Variants in NDUFA13 observed in about 807,000 individuals in gnomAD.
NDUFA13 encodes the protein NADH dehydrogenase [ubiquinone] 1 alpha subcomplex subunit 13.
Under a neutral mutation model 17.0 loss-of-function variants are expected in NDUFA13, and 16 were observed. That is an observed-to-expected ratio of 0.94 (90% CI 0.64 to 1.43). NDUFA13 has a LOEUF of 1.43. Among genes scored for constraint, NDUFA13 ranks in the 40% most tolerant of loss-of-function variants. NDUFA13 has a pLI of 0.00. For missense variants in NDUFA13, 228 were observed against 206.7 expected, an observed-to-expected ratio of 1.10 and a Z score of -0.63; for synonymous variants, 87 against 78.4, an observed-to-expected ratio of 1.11 and a Z score of -0.58.
At chr19:19,524,034 C>T (rs1051972466) in intron 1 of NDUFA13, among the ~76,000 whole-genome samples, 4 of 152,200 alleles carry the variant, frequency 2.6e-5, no homozygotes, top group Admixed American at 1.3e-4. Context: ...TCCCAAAATG[C>T]TGGGATTACA....
intron 1 of NDUFA13, 197 bp from the exon 2 acceptor site, chr19:19,525,985 T>C: frequency 3.5e-6 from 5 of 1,448,620 alleles, no homozygotes; most frequent in Non-Finnish European, 4.5e-6. Context: ...ATCTAGACCC[T>C]CAGGCCTCCT....
Position 19,516,258 on chromosome 19 carries a change from A to G in NDUFA13, c.20A>G (p.Lys7Arg). Residue 7 changes from lysine to arginine, a missense_variant, in exon 1 of 5, where the codon AAG becomes AGG. By Grantham distance (26) the Lys-to-Arg change is conservative. Transcript: ENST00000507754. MAASKV[K>R]QDMPPPGGYG... ...GCGAGTATGGCGGCGTCAAAGGTGA[A>G]GCAGGACATGCCTCCGCCGGGGGGC... 1.9e-6 allele frequency: 3 copies of G among 1,614,034 alleles called. No homozygotes were observed. The highest frequency in any genetic ancestry group is 1.3e-5 in the African/African-American group (1 of 75,058).
At chr19:19,524,772 C>T (rs1160676379) in intron 1 of NDUFA13, among the ~76,000 whole-genome samples, 1 of 151,978 alleles carries the variant, frequency 6.6e-6, no homozygotes, top group Non-Finnish European at 1.5e-5. Flanking sequence ...TGCCACTGCA[C>T]CCCAGCCAGG....
intron 3 of NDUFA13, 56 bp from the exon 4 acceptor site, chr19:19,527,632 TAGGGGCCCTAGGC>T (rs2061108584): frequency 8.0e-7 from 1 of 1,246,042 alleles, no homozygotes; most frequent in African/African-American, 1.5e-5. Flanking sequence ...GGGGTGCTAC[TAGGGGCCCTAGGC>T]AGGGGCCCCT....
At chr19:19,525,179 G>A (rs1253814873) in intron 1 of NDUFA13, among the ~76,000 whole-genome samples, 1 of 152,236 alleles carries the variant, frequency 6.6e-6, no homozygotes, top group Non-Finnish European at 1.5e-5. Flanking sequence ...CCCGGACCCA[G>A]CACACCCTCA....
At chr19:19,518,548 G>A (rs1345669075) in intron 1 of NDUFA13, among the ~76,000 whole-genome samples, 3 of 148,096 alleles carry the variant, frequency 2.0e-5, no homozygotes, top group East Asian at 4.0e-4. Context: ...TTTGTTTTTT[G>A]GTTGTTGTTT....
chr19:19,519,210 T>C (rs551195665), intron 1 of NDUFA13, among the ~76,000 whole-genome samples: 1 of 152,140 alleles, frequency 6.6e-6, no homozygotes, highest in South Asian at 2.1e-4. Flanking sequence ...TCTTCTCCGG[T>C]GTAACCTGGG....
At chr19:19,519,413 C>T (rs1600344391) in intron 1 of NDUFA13, among the ~76,000 whole-genome samples, 1 of 152,178 alleles carries the variant, frequency 6.6e-6, no homozygotes, top group Non-Finnish European at 1.5e-5. Context: ...CCCCCCTGTG[C>T]CAGACAGTGC....
At position 19,527,311 on chromosome 19, in the gene NDUFA13, C is replaced by G. The variant is rs966719462; in HGVS notation, c.204C>G (p.Arg68=). 1.9e-6 allele frequency: 3 copies of G among 1,613,864 alleles called. No homozygotes were observed. Among genetic ancestry groups the G allele is most frequent in the Non-Finnish European group, 2.5e-6 (3 of 1,180,034 alleles). Residue 68 remains arginine, a synonymous_variant, in exon 3 of 5, where the codon CGC becomes CGG. Coordinates refer to ENST00000507754, the MANE Select transcript of NDUFA13 (RefSeq NM_015965.7). ...TACAAATCGAGGACTTCGAGGCTCG[C>G]ATCGCGCTGTTGCCACTGTTACAGG... The part of the protein sequence containing the change: ...RRLQIEDFEA[R]IALLPLLQAE...
intron 1 of NDUFA13, among the ~76,000 whole-genome samples, chr19:19,518,423 T>C (rs1207338651): frequency 1.3e-5 from 2 of 151,858 alleles, no homozygotes; most frequent in South Asian, 4.2e-4. Context: ...TTAGTAGAGA[T>C]GGGGTTTCAC....
intron 1 of NDUFA13, among the ~76,000 whole-genome samples, chr19:19,522,827 C>T (rs1039845397): frequency 3.3e-5 from 5 of 152,138 alleles, no homozygotes; most frequent in Non-Finnish European, 7.3e-5. Context: ...AAAGAAGGAA[C>T]GCATCCTCAT....
At position 19,528,132 on chromosome 19, in the gene NDUFA13, G is replaced by A. The variant is rs754645403; in HGVS notation, c.*6G>A. On this transcript the variant is annotated 3_prime_UTR_variant, in exon 5 of 5. Coordinates refer to ENST00000507754, the MANE Select transcript of NDUFA13 (RefSeq NM_015965.7). Reference sequence around the variant, plus strand: ...GCTTCATGTGGTACACGTAGGCCCTGTGCCCTCCGGCCACCTGGATCCCTG... The same window carrying A: ...GCTTCATGTGGTACACGTAGGCCCTATGCCCTCCGGCCACCTGGATCCCTG... 14 of 1,611,108 alleles carry A rather than the reference G, an allele frequency of 8.7e-6. No individual in the cohort carries two copies. The highest frequency in any genetic ancestry group is 1.2e-5 in the Non-Finnish European group (14 of 1,179,942).
chr19:19,521,689 G>A (rs560976997), intron 1 of NDUFA13, among the ~76,000 whole-genome samples: 7 of 114,058 alleles, frequency 6.1e-5, no homozygotes, highest in Non-Finnish European at 1.2e-4. Flanking sequence ...TGCAAGCTCC[G>A]CCTCCCGGGT....
rs368317718 is a variant in NDUFA13 at position 19,516,336 on chromosome 19, A to G, written c.94+4A>G. The G allele has an allele frequency of 1.1e-5, 17 of 1,613,004 alleles. No homozygotes were observed. The African/African-American group carries it at 2.1e-4, about 20-fold the overall frequency. ...TTGCCGCGTCGAGGACTGTCGGGTC[A>G]GTATCACTCTGCGCCGGGGTCTCAG... is the stretch of plus-strand genomic sequence containing the variant. On this transcript the variant is annotated splice_donor_region_variant and intron_variant, in intron 1 of 4. Coordinates refer to ENST00000507754, the MANE Select transcript of NDUFA13 (RefSeq NM_015965.7).
intron 2 of NDUFA13, among the ~76,000 whole-genome samples, 160 bp from the exon 3 acceptor site, chr19:19,527,121 A>G (rs7251447): frequency 0.97 from 148,063 of 152,186 alleles, 72,063 homozygotes; most frequent in East Asian, 1. Context: ...CTCTGCCCAC[A>G]GCCCTTGCCC....
At chr19:19,520,384 C>T (rs2061071371) in intron 1 of NDUFA13, among the ~76,000 whole-genome samples, 1 of 152,190 alleles carries the variant, frequency 6.6e-6, no homozygotes, top group South Asian at 2.1e-4. Flanking sequence ...GTAATCTCAG[C>T]CCTTTGAGGA....
rs954708761 is a variant in NDUFA13 at position 19,518,524 on chromosome 19, C to T, written c.94+2192C>T. On this transcript the variant is annotated intron_variant, in intron 1 of 4. Transcript: ENST00000507754. ...TGCTAATATTGCAGGCACGACCCACCACGCCTGGCGTTGTTTGTTTTTTGG... is the reference window on the plus strand; with the variant it reads ...TGCTAATATTGCAGGCACGACCCACTACGCCTGGCGTTGTTTGTTTTTTGG... Among the ~76,000 whole-genome samples, 8 of 151,354 alleles carry T rather than the reference C, an allele frequency of 5.3e-5. No individual in the cohort carries two copies. The East Asian group carries it at 5.9e-4, about 11-fold the overall frequency.
intron 1 of NDUFA13, among the ~76,000 whole-genome samples, chr19:19,519,971 CTTTTTTTTTTT>C (rs397963977): frequency 8.3e-6 from 1 of 120,270 alleles, no homozygotes; most frequent in African/African-American, 3.2e-5. Context: ...TTTTTGTTCT[CTTTTTTTTTTT>C]TTTTTTTTTT....
At chr19:19,518,681 G>A (rs1331184264) in intron 1 of NDUFA13, among the ~76,000 whole-genome samples, 3 of 143,936 alleles carry the variant, frequency 2.1e-5, no homozygotes, top group Non-Finnish European at 3.0e-5. Flanking sequence ...CTCCTCCCTC[G>A]GCCTCCCTAG....
Sources: gnomAD v4.1 joint callset for allele counts (sites outside exome capture counted in the v4.1 genomes callset) on GRCh38, gnomAD v4.1.1 for gene constraint, MANE v1.5 for transcripts, NCBI Gene and HGNC (gene_info 2026-07-23, HGNC 2026-07-21) for gene names.